C8A: variants seen among roughly 807,000 people sequenced by gnomAD.
C8A encodes complement C8 alpha chain.
C8A carries 67 observed loss-of-function variants against 65.3 expected under a neutral mutation model. The observed-to-expected ratio is 1.03, with a 90% CI of 0.84 to 1.26. The LOEUF is 1.26. Ranked by LOEUF, C8A falls within the 50% of genes most tolerant of loss-of-function variation. The pLI is 0.00. For missense variants in C8A, 781 were observed against 723.9 expected (o/e 1.08, Z -0.90); for synonymous variants, 290 against 259.4 (o/e 1.12, Z -1.13).
chr1:56,894,406 A>G (rs1002182919), intron 7 of C8A, among the ~76,000 whole-genome samples: 2 of 152,112 alleles, frequency 1.3e-5, no homozygotes, highest in Non-Finnish European at 2.9e-5. Flanking sequence ...TCTCATCACT[A>G]TCTTTCAAAG....
At chr1:56,910,810 C>T (rs1271608231) in intron 9 of C8A, among the ~76,000 whole-genome samples, 1 of 152,172 alleles carries the variant, frequency 6.6e-6, no homozygotes, top group Non-Finnish European at 1.5e-5. Flanking sequence ...TGCCAGTGCC[C>T]TCAGTTGACT....
intron 7 of C8A, among the ~76,000 whole-genome samples, chr1:56,900,592 G>T (rs1052343123): frequency 2.6e-5 from 4 of 152,056 alleles, no homozygotes; most frequent in Non-Finnish European, 5.9e-5. Flanking sequence ...CCAGAATATT[G>T]TTCAGAGTCT....
At position 56,854,855 on chromosome 1, in the gene C8A, T is replaced by C. The variant is rs761933641; in HGVS notation, c.-47T>C. On this transcript the variant is annotated 5_prime_UTR_variant, in exon 1 of 11. Coordinates refer to ENST00000361249, the MANE Select transcript of C8A (RefSeq NM_000562.3). The stretch of plus-strand genomic sequence containing the variant: ...CTTTTACTCCAATTTCCTGAATAGA[T>C]AGCTTTATTCCTTCAAGGTAATATA... The C allele has an allele frequency of 2.7e-5, 41 of 1,530,106 alleles. No homozygotes were observed. In the Admixed American group the frequency reaches 5.5e-4, roughly 21 times the overall value. 94.8% of individuals were successfully genotyped at this position (1,530,106 alleles called of 1,614,324 possible).
Position 56,867,628 on chromosome 1 carries a change from A to ACACC in C8A, c.99_102dup (p.Ala35ThrfsTer44). ...CTTTAGGAGAGTAAGACGGGCAGCT[A>ACACC]CACCCGCAGCAGTTACCTGCCAGCT... On this transcript the variant is annotated frameshift_variant, in exon 2 of 11. Transcript: ENST00000361249. LOFTEE classifies it high-confidence loss of function. The ACACC allele has an allele frequency of 3.7e-6, 6 of 1,613,628 alleles. No homozygotes were observed. The highest frequency in any genetic ancestry group is 5.1e-6 in the Non-Finnish European group (6 of 1,179,646).
At chr1:56,907,827 GAGA>G (rs10562652) in intron 8 of C8A, 126 bp from the exon 9 acceptor site, 269,667 of 1,092,224 alleles carry the variant, frequency 0.25, 36,083 homozygotes, top group Non-Finnish European at 0.28. Context: ...TAACCAAGAA[GAGA>G]AGAAGAATGG....
rs761109115 is a variant in C8A at position 56,881,505 on chromosome 1, C to T, written c.525C>T (p.Gly175=). The change falls in exon 5 of 11, where the codon GGC becomes GGT. Residue 175 remains glycine (G), a synonymous_variant. Transcript: ENST00000361249. ...QSVYDASYYG[G]QCETVYNGEW... is the part of the protein sequence containing the mutation. The stretch of plus-strand genomic sequence containing the variant: ...TGTACGATGCCAGTTATTATGGGGG[C>T]CAGTGTGAGACGGTATACAATGGGG... The T allele has an allele frequency of 4.2e-5, 68 of 1,613,730 alleles. No homozygotes were observed. In the African/African-American group the frequency reaches 8.5e-4, roughly 20 times the overall value.
intron 2 of C8A, among the ~76,000 whole-genome samples, chr1:56,874,413 A>C (rs1168554983): frequency 1.3e-5 from 2 of 152,204 alleles, no homozygotes; most frequent in Non-Finnish European, 2.9e-5. Flanking sequence ...AAGAAAAAGC[A>C]ACAGATGTCT....
chr1:56,899,652 A>G (rs994014131), intron 7 of C8A, among the ~76,000 whole-genome samples: 1 of 152,188 alleles, frequency 6.6e-6, no homozygotes, highest in East Asian at 1.9e-4. Flanking sequence ...CTGATTTTAC[A>G]AACTCCTCAG....
chr1:56,911,997 T>C (rs571733904), intron 9 of C8A, among the ~76,000 whole-genome samples: 67 of 152,308 alleles, frequency 4.4e-4, no homozygotes, highest in African/African-American at 1.4e-3. Flanking sequence ...TTGTGAGGAA[T>C]GCACACATTG....
At chr1:56,877,009 T>C (rs897657905) in intron 4 of C8A, among the ~76,000 whole-genome samples, 4 of 152,156 alleles carry the variant, frequency 2.6e-5, no homozygotes, top group African/African-American at 9.6e-5. Flanking sequence ...AATGAGGTCA[T>C]AGGGTAGGAC....
chr1:56,854,880 A>G lies in C8A; in HGVS notation c.-22A>G. ...TAGCTTTATTCCTTCAAGGTAATAT[A>G]GTGCGGTGGCTTCTGGCTGAGATGT... is the stretch of plus-strand genomic sequence containing the variant. On this transcript the variant is annotated 5_prime_UTR_variant, in exon 1 of 11. It adds an upstream start codon to the 5' untranslated region. Coordinates refer to ENST00000361249, the MANE Select transcript of C8A (RefSeq NM_000562.3). The G allele has an allele frequency of 6.2e-7, 1 of 1,607,144 alleles. No individual in the cohort carries two copies. The highest frequency in any genetic ancestry group is 1.1e-5 in the South Asian group (1 of 90,348).
At chr1:56,891,329 T>G (rs1290728195) in intron 7 of C8A, among the ~76,000 whole-genome samples, 9 of 152,038 alleles carry the variant, frequency 5.9e-5, no homozygotes, top group African/African-American at 2.2e-4. Context: ...AATAGGGGAA[T>G]AATAGCAGAA....
rs539816870 is a variant in C8A at position 56,863,153 on chromosome 1, T to C, written c.78-4456T>C. 2.0e-5 allele frequency among the ~76,000 whole-genome samples: 3 copies of C among 152,326 alleles called. No individual in the cohort carries two copies. The East Asian group carries it at 5.8e-4, about 29-fold the overall frequency. ...AAACAGAAGAAAATATAACTAAATATTAATGACAGTAAAATTTGGGGCAAT... is the reference window on the plus strand; with the variant it reads ...AAACAGAAGAAAATATAACTAAATACTAATGACAGTAAAATTTGGGGCAAT... On this transcript the variant is annotated intron_variant, in intron 1 of 10. Coordinates refer to ENST00000361249, the MANE Select transcript of C8A (RefSeq NM_000562.3).
intron 2 of C8A, among the ~76,000 whole-genome samples, chr1:56,873,239 A>G (rs1456144102): frequency 6.6e-6 from 1 of 152,218 alleles, no homozygotes; most frequent in East Asian, 1.9e-4. Flanking sequence ...TACTGCACGG[A>G]TAACAGTAAC....
intron 1 of C8A, among the ~76,000 whole-genome samples, chr1:56,865,409 G>T (rs668822): frequency 0.32 from 49,318 of 152,098 alleles, 8,641 homozygotes; most frequent in South Asian, 0.51. Context: ...GTGTCCTCAC[G>T]TGGTGGAAGG....
chr1:56,910,382 T>G (rs1644496255), intron 9 of C8A, among the ~76,000 whole-genome samples: 1 of 152,214 alleles, frequency 6.6e-6, no homozygotes, highest in Admixed American at 6.5e-5. Context: ...CTTTTCAAGC[T>G]CTAACGTCCC....
At chr1:56,873,591 G>A (rs1311399205) in intron 2 of C8A, among the ~76,000 whole-genome samples, 4 of 152,156 alleles carry the variant, frequency 2.6e-5, no homozygotes, top group Admixed American at 2.6e-4. Context: ...GAGCCACAAA[G>A]TACCAGACAC....
Position 56,874,102 on chromosome 1 carries a change from T to G in C8A, c.172-847T>G, listed in dbSNP as rs571324549. ...CTCTATCTCTTGGATGGGTGCTTTC[T>G]GCATAATAGGCAAGGCATCTACAAC... On this transcript the variant is annotated intron_variant, in intron 2 of 10. Transcript: ENST00000361249. Among the ~76,000 whole-genome samples the G allele has an allele frequency of 5.3e-5, 8 of 152,336 alleles. No homozygotes were observed. In the East Asian group the frequency reaches 1.3e-3, roughly 26 times the overall value.
chr1:56,858,813 T>C lies in C8A; in HGVS notation c.77+3835T>C, dbSNP rs72913446. On this transcript the variant is annotated intron_variant, in intron 1 of 10. Transcript: ENST00000361249. ...ATCTTTAGCAATACTTCAGGTGGCATTGGGTCTGGGCTATGAAGTATAATC... is the reference window on the plus strand; with the variant it reads ...ATCTTTAGCAATACTTCAGGTGGCACTGGGTCTGGGCTATGAAGTATAATC... 5.1e-3 allele frequency among the ~76,000 whole-genome samples: 783 copies of C among 152,316 alleles called. 4 individuals carry two copies. The highest frequency in any genetic ancestry group is 0.014 in the African/African-American group (598 of 41,562).
Sources: gnomAD v4.1 joint callset for allele counts (sites outside exome capture counted in the v4.1 genomes callset) on GRCh38, gnomAD v4.1.1 for gene constraint, MANE v1.5 for transcripts, NCBI Gene and HGNC (gene_info 2026-07-23, HGNC 2026-07-21) for gene names.